AFF3: variants seen among roughly 807,000 people sequenced by gnomAD.
AFF3 encodes ALF transcription elongation factor 3.
A neutral mutation model predicts 129.7 loss-of-function variants in AFF3; 32 were observed. That is an observed-to-expected ratio of 0.25 (90% confidence interval 0.19 to 0.33). The LOEUF (loss-of-function observed/expected upper bound fraction) is 0.33. AFF3 is among the 10% of genes least tolerant of loss of function. The probability of loss-of-function intolerance (pLI) is 1.00; values close to 1 mark genes in which losing one functional copy is unlikely to be tolerated. For synonymous variants in AFF3, 644 were observed against 635.4 expected (o/e 1.01, Z -0.20); for missense variants, 1,373 against 1,592.0 (o/e 0.86, Z 2.34).
intron 2 of AFF3, among the ~76,000 whole-genome samples, chr2:100,128,947 A>G (rs1692311274): frequency 6.6e-6 from 1 of 151,954 alleles, no homozygotes; most frequent in Non-Finnish European, 1.5e-5. Flanking sequence ...GTACACAGGG[A>G]GGGAGTGGGG....
chr2:99,986,240 T>TAAA (rs1409179088), intron 7 of AFF3, among the ~76,000 whole-genome samples: 1 of 144,876 alleles, frequency 6.9e-6, no homozygotes, highest in Non-Finnish European at 1.5e-5. Flanking sequence ...ATAATAATAA[T>TAAA]AATAATAATA....
chr2:99,616,580 C>G (rs1487726893), intron 13 of AFF3, among the ~76,000 whole-genome samples: 2 of 151,990 alleles, frequency 1.3e-5, no homozygotes, highest in African/African-American at 4.8e-5. Flanking sequence ...ATGGTGAAAC[C>G]CTGTCTCTAC....
intron 7 of AFF3, among the ~76,000 whole-genome samples, chr2:99,938,429 A>T (rs1212425615): frequency 6.7e-6 from 1 of 149,318 alleles, no homozygotes; most frequent in Non-Finnish European, 1.5e-5. Flanking sequence ...CATGACACAC[A>T]GTCGATGATG....
intron 13 of AFF3, among the ~76,000 whole-genome samples, chr2:99,612,646 T>C (rs530090924): frequency 6.6e-6 from 1 of 152,340 alleles, no homozygotes; most frequent in African/African-American, 2.4e-5. Context: ...TATCTAAGTG[T>C]TGACTTTGCT....
At chr2:99,974,081 T>C (rs1001984938) in intron 7 of AFF3, among the ~76,000 whole-genome samples, 1 of 152,216 alleles carries the variant, frequency 6.6e-6, no homozygotes, top group Non-Finnish European at 1.5e-5. Context: ...TATGTACAAA[T>C]TATGTTAATA....
chr2:100,071,011 G>GTT (rs1202453674), intron 4 of AFF3, among the ~76,000 whole-genome samples: 1 of 152,110 alleles, frequency 6.6e-6, no homozygotes, highest in Non-Finnish European at 1.5e-5. Context: ...TGAACATTTT[G>GTT]TAATATATAA....
intron 13 of AFF3, among the ~76,000 whole-genome samples, chr2:99,621,008 T>C (rs1483784764): frequency 6.6e-6 from 1 of 152,208 alleles, no homozygotes; most frequent in Non-Finnish European, 1.5e-5. Context: ...ATCTCTTTTC[T>C]TTATAAATTA....
chr2:99,971,119 C>T (rs1349731812), intron 7 of AFF3, among the ~76,000 whole-genome samples: 4 of 152,160 alleles, frequency 2.6e-5, no homozygotes, highest in Admixed American at 2.0e-4. Context: ...GATCTAAATC[C>T]TCTCCAATTT....
chr2:99,765,413 A>G (rs946285164), intron 8 of AFF3, among the ~76,000 whole-genome samples: 5 of 152,248 alleles, frequency 3.3e-5, no homozygotes, highest in African/African-American at 1.2e-4. Context: ...TCGCAATTGC[A>G]GAGAAGCAGA....
intron 12 of AFF3, among the ~76,000 whole-genome samples, chr2:99,661,752 T>C (rs1686248053): frequency 6.6e-6 from 1 of 152,254 alleles, no homozygotes; most frequent in East Asian, 1.9e-4. Context: ...TTTCTACCTA[T>C]GCTTGTGCTT....
At chr2:100,141,433 G>A (rs142247493) in intron 1 of AFF3, among the ~76,000 whole-genome samples, 2 of 152,270 alleles carry the variant, frequency 1.3e-5, no homozygotes, top group South Asian at 2.1e-4. Flanking sequence ...GTAAAGGAAG[G>A]TGCTCTTGTA....
At chr2:99,775,282 A>G (rs1190951834) in intron 8 of AFF3, among the ~76,000 whole-genome samples, 2 of 152,118 alleles carry the variant, frequency 1.3e-5, no homozygotes, top group African/African-American at 4.8e-5. Context: ...GCTATTAGCA[A>G]TAGAAAAGAC....
intron 4 of AFF3, among the ~76,000 whole-genome samples, chr2:100,093,725 A>T (rs1160399081): frequency 6.6e-6 from 1 of 152,186 alleles, no homozygotes; most frequent in Non-Finnish European, 1.5e-5. Flanking sequence ...GCACGTAGAC[A>T]TGCTTCTGCA....
intron 24 of AFF3, among the ~76,000 whole-genome samples, chr2:99,552,964 G>A (rs750805973): frequency 6.6e-6 from 1 of 152,018 alleles, no homozygotes; most frequent in Non-Finnish European, 1.5e-5. Flanking sequence ...ATGGAGTCTC[G>A]CTCTGTCGCC....
intron 13 of AFF3, among the ~76,000 whole-genome samples, chr2:99,640,611 A>AG (rs1266444124): frequency 1.4e-5 from 2 of 144,302 alleles, no homozygotes; most frequent in African/African-American, 2.5e-5. Context: ...GCTGGGCCAG[A>AG]GGGTTTTTTT....
chr2:100,004,217 G>C lies in AFF3; in HGVS notation c.873+2415C>G, dbSNP rs113823768. ...ATAACCTTGCAGGTTATTTTCTTTG[G>C]AAATTTCCCTAAAAAACCCTTCTCT... On this transcript the variant is annotated intron_variant, in intron 7 of 24. Coordinates refer to ENST00000672756, the MANE Select transcript of AFF3 (RefSeq NM_001386135.1). 1.9e-3 allele frequency among the ~76,000 whole-genome samples: 288 copies of C among 152,090 alleles called. 1 individual carries two copies. The highest frequency in any genetic ancestry group is 3.3e-3 in the South Asian group (16 of 4,812).
chr2:99,592,411 G>A lies in AFF3; in HGVS notation c.2466+784C>T, dbSNP rs374774850. On this transcript the variant is annotated intron_variant, in intron 15 of 24. Transcript: ENST00000672756. ...TTCTGATGCTGCATCAGGGTCTGCC[G>A]TATTCATTTTCACCTGCCACAACCT... 1.2e-4 allele frequency among the ~76,000 whole-genome samples: 18 copies of A among 152,236 alleles called. No homozygotes were observed. The South Asian group carries it at 1.2e-3, about 11-fold the overall frequency.
intron 4 of AFF3, among the ~76,000 whole-genome samples, chr2:100,068,514 G>A (rs1358588475): frequency 6.6e-6 from 1 of 152,198 alleles, no homozygotes; most frequent in Non-Finnish European, 1.5e-5. Context: ...TCAGTTGGAA[G>A]AGGATGAGTT....
At chr2:100,119,643 C>T (rs978707320) in intron 2 of AFF3, among the ~76,000 whole-genome samples, 2 of 152,224 alleles carry the variant, frequency 1.3e-5, no homozygotes, top group African/African-American at 4.8e-5. Context: ...CACACATTCT[C>T]TCATTTGATT....
Sources: gnomAD v4.1 joint callset for allele counts (sites outside exome capture counted in the v4.1 genomes callset) on GRCh38, gnomAD v4.1.1 for gene constraint, MANE v1.5 for transcripts, NCBI Gene and HGNC (gene_info 2026-07-23, HGNC 2026-07-21) for gene names.